The following MYOZ2 variants were observed in gnomAD, a reference collection of about 807,000 sequenced individuals.
MYOZ2 encodes myozenin 2.
A neutral mutation model predicts 25.4 loss-of-function variants in MYOZ2; 19 were observed. The observed-to-expected ratio is 0.75, with a 90% CI of 0.52 to 1.10. MYOZ2 has a LOEUF of 1.10. MYOZ2 is among the 50% of genes least tolerant of loss of function. The pLI is 0.00. For missense variants in MYOZ2, 270 were observed against 317.9 expected (o/e 0.85, Z 1.15); for synonymous variants, 92 against 106.9 (o/e 0.86, Z 0.86).
chr4:119,176,809 T>C (rs566237253), intron 5 of MYOZ2, among the ~76,000 whole-genome samples: 1 of 152,254 alleles, frequency 6.6e-6, no homozygotes. Context: ...GTGAGTACTA[T>C]GTATCAGGCA....
At position 119,149,835 on chromosome 4, in the gene MYOZ2, G is replaced by A. The variant is rs146843180; in HGVS notation, c.77-1037G>A. On this transcript the variant is annotated intron_variant, in intron 2 of 5. Coordinates refer to ENST00000307128, the MANE Select transcript of MYOZ2 (RefSeq NM_016599.5). ...TAATTTTACCTGTAAAAACAAAACA[G>A]GTAAACTAATTTTTCTCTCAAAAGA... 7.4e-4 allele frequency among the ~76,000 whole-genome samples: 113 copies of A among 152,114 alleles called. 1 individual carries two copies. In the South Asian group the frequency reaches 0.023, roughly 31 times the overall value.
At chr4:119,167,141 T>C (rs936846660) in intron 5 of MYOZ2, among the ~76,000 whole-genome samples, 6 of 152,238 alleles carry the variant, frequency 3.9e-5, no homozygotes, top group African/African-American at 1.4e-4. Context: ...AGGCCTCTTG[T>C]GCCAGTTAGC....
At chr4:119,183,497 G>A (rs769882406) in intron 5 of MYOZ2, among the ~76,000 whole-genome samples, 1 of 152,082 alleles carries the variant, frequency 6.6e-6, no homozygotes, top group Non-Finnish European at 1.5e-5. Context: ...TAAAGGATGC[G>A]TGAAAGTGAA....
downstream of MYOZ2, chr4:119,187,789 AT>A (rs1742339028): frequency 4.6e-5 from 7 of 152,304 alleles, no homozygotes; most frequent in South Asian, 1.4e-3. Context: ...TTAATTATGC[AT>A]TTTGATGAAA....
chr4:119,156,150 G>A (rs1178195401), intron 3 of MYOZ2, among the ~76,000 whole-genome samples: 1 of 151,908 alleles, frequency 6.6e-6, no homozygotes, highest in Non-Finnish European at 1.5e-5. Context: ...ACTTTTTATT[G>A]GAAGGGGAGG....
chr4:119,163,550 G>A (rs1026864795), intron 4 of MYOZ2, among the ~76,000 whole-genome samples: 1 of 152,150 alleles, frequency 6.6e-6, no homozygotes, highest in African/African-American at 2.4e-5. Context: ...CAGCTGTTAT[G>A]GGAAGAATAA....
chr4:119,165,218 C>T (rs953445463), intron 5 of MYOZ2, among the ~76,000 whole-genome samples: 2 of 151,312 alleles, frequency 1.3e-5, no homozygotes, highest in African/African-American at 4.9e-5. Context: ...AAACAGTGAT[C>T]TTCTTAAGTG....
intron 5 of MYOZ2, among the ~76,000 whole-genome samples, chr4:119,177,517 A>C (rs538453718): frequency 1.4e-4 from 21 of 152,248 alleles, no homozygotes; most frequent in African/African-American, 5.1e-4. Context: ...TCAACATGGG[A>C]TGTTTCCACA....
intron 4 of MYOZ2, 54 bp from the exon 5 acceptor site, chr4:119,164,157 G>C (rs1268927973): frequency 1.3e-6 from 2 of 1,500,314 alleles, no homozygotes; most frequent in Non-Finnish European, 1.9e-6. Flanking sequence ...GTTAGGTGGA[G>C]GTTAGTAACT....
chr4:119,156,120 G>T (rs1050744190), intron 3 of MYOZ2, among the ~76,000 whole-genome samples: 1 of 151,968 alleles, frequency 6.6e-6, no homozygotes, highest in African/African-American at 2.4e-5. Context: ...ATACGGGAGC[G>T]GCGAGAAGAA....
At chr4:119,137,188 G>A (rs1185398798) in intron 2 of MYOZ2, among the ~76,000 whole-genome samples, 1 of 151,950 alleles carries the variant, frequency 6.6e-6, no homozygotes, top group African/African-American at 2.4e-5. Flanking sequence ...AGTTATTGTA[G>A]TCTCAAAGCA....
intron 5 of MYOZ2, among the ~76,000 whole-genome samples, chr4:119,166,160 A>G (rs1741819739): frequency 6.6e-6 from 1 of 152,216 alleles, no homozygotes. Flanking sequence ...TTCTTTCAAC[A>G]TGATAGTATA....
At chr4:119,172,507 A>G (rs1741967832) in intron 5 of MYOZ2, among the ~76,000 whole-genome samples, 2 of 152,164 alleles carry the variant, frequency 1.3e-5, no homozygotes, top group Admixed American at 1.3e-4. Flanking sequence ...CAGTTTATTG[A>G]TCTGAGTGGT....
chr4:119,168,675 C>A (rs143054750), intron 5 of MYOZ2, among the ~76,000 whole-genome samples: 15 of 142,406 alleles, frequency 1.1e-4, no homozygotes, highest in African/African-American at 4.3e-4. Flanking sequence ...CTAAAAAAAA[C>A]AACAACAAAA....
At chr4:119,185,643 G>C (rs1486299401) in intron 5 of MYOZ2, among the ~76,000 whole-genome samples, 6 of 152,184 alleles carry the variant, frequency 3.9e-5, no homozygotes, top group Non-Finnish European at 5.9e-5. Flanking sequence ...GGGAAATATT[G>C]TTGGTAAAAG....
intron 5 of MYOZ2, among the ~76,000 whole-genome samples, chr4:119,167,095 G>C (rs1427402650): frequency 3.3e-5 from 5 of 152,216 alleles, no homozygotes; most frequent in African/African-American, 9.6e-5. Context: ...TAGACAGTGA[G>C]GAAGACATGT....
At chr4:119,140,362 G>T (rs184334044) in intron 2 of MYOZ2, among the ~76,000 whole-genome samples, 5 of 152,168 alleles carry the variant, frequency 3.3e-5, no homozygotes, top group Admixed American at 6.5e-5. Flanking sequence ...TGCCAAAAAG[G>T]CCTTTCATAC....
At chr4:119,166,416 G>A (rs1741825582) in intron 5 of MYOZ2, among the ~76,000 whole-genome samples, 1 of 151,886 alleles carries the variant, frequency 6.6e-6, no homozygotes, top group Admixed American at 6.6e-5. Context: ...TGAGGCGAGA[G>A]GGTCGCTTGA....
chr4:119,136,421 A>T, intron 1 of MYOZ2, 91 bp from the exon 2 acceptor site: 1 of 1,138,348 alleles, frequency 8.8e-7, no homozygotes, highest in Non-Finnish European at 1.3e-6. Context: ...TTTAATAAAG[A>T]ACAAAGATGT....
Sources: gnomAD v4.1 joint callset for allele counts (sites outside exome capture counted in the v4.1 genomes callset) on GRCh38, gnomAD v4.1.1 for gene constraint, MANE v1.5 for transcripts, NCBI Gene and HGNC (gene_info 2026-07-23, HGNC 2026-07-21) for gene names.